The following TBC1D22A variants were observed in gnomAD, a reference collection of about 807,000 sequenced individuals.
TBC1D22A encodes the protein TBC1 domain family member 22A, also known as putative GTPase activator.
A neutral mutation model predicts 60.2 loss-of-function variants in TBC1D22A; 38 were observed. The observed-to-expected ratio is 0.63, with a 90% CI of 0.49 to 0.83. The LOEUF (loss-of-function observed/expected upper bound fraction) is 0.83, where lower values mean the gene tolerates loss of function less well. Among genes scored for constraint, TBC1D22A ranks in the 40% least tolerant of loss-of-function variants. The probability of loss-of-function intolerance (pLI) is 0.00; values close to 1 mark genes in which losing one functional copy is unlikely to be tolerated. For missense variants in TBC1D22A, 628 were observed against 701.0 expected (o/e 0.90, Z 1.18); for synonymous variants, 302 against 281.7 (o/e 1.07, Z -0.72).
At chr22:46,774,345 C>G in intron 1 of TBC1D22A, 1 of 797,338 alleles carries the variant, frequency 1.3e-6, no homozygotes. Flanking sequence ...CATTTCTGGG[C>G]CCCGTGCTGT....
intron 8 of TBC1D22A, among the ~76,000 whole-genome samples, chr22:46,947,922 T>A (rs136066): frequency 0.32 from 48,951 of 152,072 alleles, 8,535 homozygotes; most frequent in African/African-American, 0.46. Context: ...TCAAGAGAGA[T>A]TCAGAAAAAT....
chr22:47,126,292 G>A (rs543144317), intron 12 of TBC1D22A, among the ~76,000 whole-genome samples: 1 of 152,336 alleles, frequency 6.6e-6, no homozygotes, highest in South Asian at 2.1e-4. Flanking sequence ...AGATGAAGAT[G>A]TTTTTTAAGA....
At chr22:46,957,334 A>T (rs767473489) in intron 8 of TBC1D22A, among the ~76,000 whole-genome samples, 7 of 152,240 alleles carry the variant, frequency 4.6e-5, no homozygotes, top group Non-Finnish European at 1.0e-4. Context: ...TAACTGACTC[A>T]CAGTTCTGCA....
chr22:46,970,352 G>C (rs775257474), intron 8 of TBC1D22A, among the ~76,000 whole-genome samples: 1 of 152,096 alleles, frequency 6.6e-6, no homozygotes. Context: ...TTTCAATCGC[G>C]TTTCTTCCTT....
chr22:47,139,777 G>T (rs565812850), intron 12 of TBC1D22A, among the ~76,000 whole-genome samples: 1 of 152,226 alleles, frequency 6.6e-6, no homozygotes, highest in Non-Finnish European at 1.5e-5. Flanking sequence ...CAGGAGTGGC[G>T]GCAGGAGAAG....
intron 11 of TBC1D22A, among the ~76,000 whole-genome samples, chr22:47,040,118 T>G (rs1024039929): frequency 1.3e-5 from 2 of 151,814 alleles, no homozygotes; most frequent in African/African-American, 4.8e-5. Flanking sequence ...CTAATTTTTT[T>G]GTATTTTTAG....
intron 12 of TBC1D22A, among the ~76,000 whole-genome samples, chr22:47,132,221 C>A (rs769221077): frequency 1.3e-5 from 2 of 152,148 alleles, no homozygotes; most frequent in African/African-American, 4.8e-5. Context: ...GGATTCCCCC[C>A]GAGTCTTGGT....
intron 8 of TBC1D22A, among the ~76,000 whole-genome samples, chr22:46,917,149 A>G (rs1569219019): frequency 6.6e-6 from 1 of 152,168 alleles, no homozygotes; most frequent in Non-Finnish European, 1.5e-5. Context: ...CGGAAGACAC[A>G]CTTTTTAGTC....
At chr22:46,870,535 G>T (rs547321989) in intron 4 of TBC1D22A, among the ~76,000 whole-genome samples, 1 of 152,168 alleles carries the variant, frequency 6.6e-6, no homozygotes, top group Non-Finnish European at 1.5e-5. Context: ...GGATTTTACT[G>T]CCTGACTGTG....
At chr22:46,902,488 G>A (rs1214778708) in intron 7 of TBC1D22A, among the ~76,000 whole-genome samples, 1 of 152,238 alleles carries the variant, frequency 6.6e-6, no homozygotes, top group Non-Finnish European at 1.5e-5. Context: ...AGATTATTCT[G>A]TGTTGTCCTT....
chr22:46,904,623 C>T (rs2069317485), intron 7 of TBC1D22A, among the ~76,000 whole-genome samples: 1 of 151,752 alleles, frequency 6.6e-6, no homozygotes, highest in Non-Finnish European at 1.5e-5. Flanking sequence ...CGCCCGCCAC[C>T]ACGCCCGGCT....
intron 1 of TBC1D22A, among the ~76,000 whole-genome samples, chr22:46,778,886 G>T (rs542900222): frequency 6.6e-6 from 1 of 152,076 alleles, no homozygotes; most frequent in South Asian, 2.1e-4. Context: ...TCTACTAAAA[G>T]TACAAAAATT....
At chr22:47,074,570 G>A (rs765333976) in intron 11 of TBC1D22A, among the ~76,000 whole-genome samples, 1 of 152,228 alleles carries the variant, frequency 6.6e-6, no homozygotes, top group Non-Finnish European at 1.5e-5. Flanking sequence ...TCTTTGGCAG[G>A]TTTAGAAAAT....
At chr22:46,787,886 T>G (rs2084229046) in intron 1 of TBC1D22A, among the ~76,000 whole-genome samples, 1 of 151,220 alleles carries the variant, frequency 6.6e-6, no homozygotes, top group African/African-American at 2.4e-5. Flanking sequence ...TATATGTCAC[T>G]AAGCTGGCTG....
At chr22:47,102,403 G>A (rs1246907589) in intron 11 of TBC1D22A, among the ~76,000 whole-genome samples, 4 of 152,194 alleles carry the variant, frequency 2.6e-5, no homozygotes, top group Non-Finnish European at 4.4e-5. Flanking sequence ...TGGAGCCCCC[G>A]GTCCTGAGTG....
At chr22:47,170,275 G>C (rs1213724983) in intron 12 of TBC1D22A, among the ~76,000 whole-genome samples, 1 of 152,180 alleles carries the variant, frequency 6.6e-6, no homozygotes, top group East Asian at 1.9e-4. Context: ...GTGTGCAGTA[G>C]AGTCGGTGAG....
In TBC1D22A at chr22:47,138,082, G is replaced by A. The variant is rs1049229318; in HGVS notation, c.1425+26479G>A. On this transcript the variant is annotated intron_variant, in intron 12 of 12. Transcript: ENST00000337137. ...TAATAGGATTCCTAGTCCCCCTGGCGTCCAGAGGCTCCGGCACTCATGGAG... is the reference window on the plus strand; with the variant it reads ...TAATAGGATTCCTAGTCCCCCTGGCATCCAGAGGCTCCGGCACTCATGGAG... 3.3e-5 allele frequency among the ~76,000 whole-genome samples: 5 copies of A among 152,268 alleles called. No homozygotes were observed. The South Asian group carries it at 6.2e-4, about 19-fold the overall frequency.
At chr22:46,904,033 T>C (rs960045312) in intron 7 of TBC1D22A, among the ~76,000 whole-genome samples, 2 of 152,014 alleles carry the variant, frequency 1.3e-5, no homozygotes, top group Non-Finnish European at 2.9e-5. Context: ...AAAAATGATA[T>C]GAAATCTGTC....
chr22:46,902,749 G>A (rs2069091554), intron 7 of TBC1D22A, among the ~76,000 whole-genome samples: 1 of 150,896 alleles, frequency 6.6e-6, no homozygotes, highest in Admixed American at 6.6e-5. Flanking sequence ...GACACACAAA[G>A]TTGTAATGGT....
Sources: allele counts gnomAD v4.1 joint callset (sites outside exome capture counted in the v4.1 genomes callset), GRCh38; gene constraint gnomAD v4.1.1; transcripts MANE v1.5; gene names NCBI Gene and HGNC (gene_info 2026-07-23, HGNC 2026-07-21).